The following PTGER3 variants were observed in gnomAD, a reference collection of about 807,000 sequenced individuals.
The protein encoded by PTGER3 is prostaglandin E receptor 3.
In PTGER3, 22 loss-of-function variants were observed where a neutral mutation model predicts 34.7. The ratio of observed to expected loss-of-function variants is 0.63; its 90% CI spans 0.45 to 0.91. The LOEUF is 0.91. Among genes scored for constraint, PTGER3 ranks in the 40% least tolerant of loss-of-function variants. The pLI, the probability that PTGER3 is intolerant of heterozygous loss-of-function variation, is 0.00. For synonymous variants in PTGER3, 241 were observed against 230.1 expected (o/e 1.05, Z -0.43); for missense variants, 468 against 519.4 (o/e 0.90, Z 0.96).
chr1:71,001,150 C>CT (rs1446919864), intron 2 of PTGER3, among the ~76,000 whole-genome samples: 1 of 151,980 alleles, frequency 6.6e-6, no homozygotes, highest in African/African-American at 2.4e-5. Context: ...CACTATTTGA[C>CT]TTTTTAAAGA....
intron 4 of PTGER3, among the ~76,000 whole-genome samples, chr1:70,923,165 T>C (rs184506056): frequency 2.4e-4 from 37 of 151,672 alleles, no homozygotes; most frequent in Admixed American, 2.4e-3. Flanking sequence ...TTACTTGGTA[T>C]AAAAATCATA....
intron 4 of PTGER3, among the ~76,000 whole-genome samples, chr1:70,885,864 T>C (rs1646487389): frequency 6.6e-6 from 1 of 152,160 alleles, no homozygotes. Context: ...AGGAAGCATA[T>C]GGCAAAGGAG....
At chr1:70,917,745 A>G (rs1417723774) in intron 4 of PTGER3, among the ~76,000 whole-genome samples, 1 of 151,940 alleles carries the variant, frequency 6.6e-6, no homozygotes, top group Non-Finnish European at 1.5e-5. Context: ...AGCCATTCTA[A>G]CTGGAGTGTG....
Position 70,867,238 on chromosome 1 carries a change from C to G in PTGER3, c.*24-14379G>C, listed in dbSNP as rs138040528. Among the ~76,000 whole-genome samples the G allele has an allele frequency of 1.7e-3, 262 of 152,330 alleles. 1 individual carries two copies. The highest frequency in any genetic ancestry group is 5.7e-3 in the African/African-American group (238 of 41,590). On this transcript the variant is annotated intron_variant, in intron 4 of 4. Transcript: ENST00000370931. ...TATTATCTACTTGATAAAGAGTTCT[C>G]TAATCATCCAGGTAGAGTTTTTCTC...
intron 4 of PTGER3, among the ~76,000 whole-genome samples, chr1:70,922,993 G>C (rs1020845046): frequency 1.3e-5 from 2 of 152,142 alleles, no homozygotes; most frequent in East Asian, 3.8e-4. Flanking sequence ...CTTATGATCT[G>C]ACCTGTAAGA....
At chr1:70,940,922 G>T (rs1014691421) in intron 4 of PTGER3, among the ~76,000 whole-genome samples, 1 of 152,096 alleles carries the variant, frequency 6.6e-6, no homozygotes, top group African/African-American at 2.4e-5. Flanking sequence ...CTTTAATTTA[G>T]TAGTAACTAT....
chr1:70,972,806 A>G lies in PTGER3; in HGVS notation c.1170-1073T>C, dbSNP rs182165035. On this transcript the variant is annotated intron_variant, in intron 3 of 3. Coordinates refer to ENST00000306666, the MANE Select transcript of PTGER3 (RefSeq NM_198719.2). Reference sequence around the variant, plus strand: ...AATATTAACATAAGTATGTAAAACAAAATTAAAAAACTGCAGGAAAAAAAG... The same window carrying G: ...AATATTAACATAAGTATGTAAAACAGAATTAAAAAACTGCAGGAAAAAAAG... 7.9e-4 allele frequency among the ~76,000 whole-genome samples: 121 copies of G among 152,230 alleles called. 1 individual carries two copies. The highest frequency in any genetic ancestry group is 2.7e-3 in the African/African-American group (114 of 41,554).
intron 2 of PTGER3, chr1:71,009,438 T>C (rs1032607199): frequency 5.7e-5 from 56 of 981,996 alleles, no homozygotes; most frequent in Non-Finnish European, 6.3e-5. Context: ...GTTAACTTGG[T>C]AAATATTGAG....
rs1465750267 is a variant in PTGER3 at position 71,030,715 on chromosome 1, T to G, written c.897+15966A>C. 2.0e-5 allele frequency among the ~76,000 whole-genome samples: 3 copies of G among 152,278 alleles called. No individual in the cohort carries two copies. In the East Asian group the frequency reaches 5.8e-4, roughly 29 times the overall value. On this transcript the variant is annotated intron_variant, in intron 1 of 3. Coordinates refer to ENST00000306666, the MANE Select transcript of PTGER3 (RefSeq NM_198719.2). ...AAAACTCCTGTCACCTTCTACGGGA[T>G]TTTTCAGAATATGCTCCCTAGATAC...
chr1:71,002,625 CGGACAG>C (rs1171216506), intron 2 of PTGER3, among the ~76,000 whole-genome samples: 1 of 152,130 alleles, frequency 6.6e-6, no homozygotes, highest in African/African-American at 2.4e-5. Context: ...GAGAAAATCT[CGGACAG>C]GGATAAGAGT....
rs535575817 is a variant in PTGER3 at position 70,934,896 on chromosome 1, C to T, written c.*23+18867G>A. Among the ~76,000 whole-genome samples the T allele has an allele frequency of 3.9e-5, 6 of 152,224 alleles. No individual in the cohort carries two copies. The South Asian group carries it at 1.0e-3, about 26-fold the overall frequency. ...TATTACAAGACATAATGTCAGCCGT[C>T]GAAATGATTGCTTCCTCAAATTGAC... On this transcript the variant is annotated intron_variant, in intron 4 of 4. Transcript: ENST00000370931.
intron 4 of PTGER3, among the ~76,000 whole-genome samples, chr1:70,881,269 T>C (rs1341324545): frequency 6.6e-6 from 1 of 152,184 alleles, no homozygotes; most frequent in Admixed American, 6.5e-5. Context: ...TTCAGTTTGA[T>C]TCTTTCTTAA....
intron 2 of PTGER3, chr1:71,007,842 G>T (rs954523328): frequency 1.0e-6 from 1 of 984,798 alleles, no homozygotes; most frequent in East Asian, 1.1e-4. Context: ...TTTAACAATA[G>T]CATTGAAGAG....
exon 4 of PTGER3, chr1:70,952,765 C>G: frequency 7.6e-7 from 1 of 1,309,768 alleles, no homozygotes; most frequent in Non-Finnish European, 9.8e-7. Flanking sequence ...CCCAAATGAC[C>G]TGGCTTGCTG....
At chr1:70,915,315 T>TGAATAA (rs1647150495) in intron 4 of PTGER3, among the ~76,000 whole-genome samples, 1 of 151,902 alleles carries the variant, frequency 6.6e-6, no homozygotes, top group Admixed American at 6.6e-5. Flanking sequence ...TTAAATTATC[T>TGAATAA]ATGCCTATTG....
At chr1:70,940,745 G>A (rs971805452) in intron 4 of PTGER3, among the ~76,000 whole-genome samples, 1 of 152,144 alleles carries the variant, frequency 6.6e-6, no homozygotes, top group African/African-American at 2.4e-5. Flanking sequence ...CCCACAACAC[G>A]TGGGAATTCT....
intron 2 of PTGER3, among the ~76,000 whole-genome samples, chr1:70,989,555 A>C (rs1378559494): frequency 6.6e-6 from 1 of 152,194 alleles, no homozygotes; most frequent in African/African-American, 2.4e-5. Flanking sequence ...AGCTAAAACA[A>C]TATTATTGAG....
intron 1 of PTGER3, among the ~76,000 whole-genome samples, chr1:71,024,895 T>G (rs1299749973): frequency 6.7e-6 from 1 of 149,164 alleles, no homozygotes; most frequent in Non-Finnish European, 1.5e-5. Context: ...ATTTATTTAT[T>G]TATTTATTTA....
chr1:70,906,537 C>T (rs1646952145), intron 4 of PTGER3, among the ~76,000 whole-genome samples: 1 of 152,078 alleles, frequency 6.6e-6, no homozygotes, highest in Non-Finnish European at 1.5e-5. Flanking sequence ...AAAATGAGCT[C>T]TGGCATCAAT....
Sources: gnomAD v4.1 joint callset for allele counts (sites outside exome capture counted in the v4.1 genomes callset) on GRCh38, gnomAD v4.1.1 for gene constraint, MANE v1.5 for transcripts, NCBI Gene and HGNC (gene_info 2026-07-23, HGNC 2026-07-21) for gene names.